The following CHODL variants were observed in gnomAD, a reference collection of about 807,000 sequenced individuals.
CHODL encodes the protein transmembrane protein MT75.
A neutral mutation model predicts 34.5 loss-of-function variants in CHODL; 29 were observed. That is an observed-to-expected ratio of 0.84 (90% confidence interval 0.63 to 1.15). CHODL has a LOEUF of 1.15. Among genes scored for constraint, CHODL ranks in the 50% most tolerant of loss-of-function variants. The pLI is 0.00. For synonymous variants in CHODL, 125 were observed against 116.1 expected (o/e 1.08, Z -0.49); for missense variants, 332 against 332.5 (o/e 1.00, Z 0.01).
At chr21:18,163,538 T>G (rs1429442210) in intron 2 of CHODL, among the ~76,000 whole-genome samples, 1 of 152,190 alleles carries the variant, frequency 6.6e-6, no homozygotes, top group Non-Finnish European at 1.5e-5. Context: ...AAAATTCTAG[T>G]AGGTTCTATA....
At position 18,255,602 on chromosome 21, in the gene CHODL, GACA is replaced by G. The variant is rs139403850; in HGVS notation, c.80-901_80-899del. 5.4e-3 allele frequency among the ~76,000 whole-genome samples: 817 copies of G among 152,162 alleles called. 9 individuals are homozygous for G. Among genetic ancestry groups the G allele is most frequent in the African/African-American group, 0.019 (775 of 41,544 alleles). On this transcript the variant is annotated intron_variant, in intron 1 of 5. Coordinates refer to ENST00000299295, the MANE Select transcript of CHODL (RefSeq NM_024944.3). Reference sequence around the variant, plus strand: ...GTCTCCATCCAAATTGTAAGAAATTGACAACAACCATTGATAAGATTTTACTAG... The same window carrying G: ...GTCTCCATCCAAATTGTAAGAAATTGACAACCATTGATAAGATTTTACTAG...
At chr21:18,174,679 T>C (rs563265634) in intron 2 of CHODL, among the ~76,000 whole-genome samples, 1 of 152,268 alleles carries the variant, frequency 6.6e-6, no homozygotes, top group African/African-American at 2.4e-5. Context: ...AAGTTCCACT[T>C]GAATCAATTA....
At chr21:18,225,020 T>C (rs998621468) in intron 2 of CHODL, among the ~76,000 whole-genome samples, 5 of 152,256 alleles carry the variant, frequency 3.3e-5, no homozygotes, top group African/African-American at 1.2e-4. Context: ...AAGGTGATTT[T>C]TCAATAGGTG....
At chr21:18,200,952 C>T (rs775976548) in intron 2 of CHODL, among the ~76,000 whole-genome samples, 1 of 152,086 alleles carries the variant, frequency 6.6e-6, no homozygotes, top group Non-Finnish European at 1.5e-5. Context: ...AGGAATTATT[C>T]CCCAGAACCG....
chr21:17,967,104 C>G lies in CHODL; in HGVS notation c.-145+49704C>G, dbSNP rs564768309. Reference sequence around the variant, plus strand: ...TTCACCATGTTGACCATGCTAGTCTCGAACTCTTGACCTCTAGTGATGTGC... The same window carrying G: ...TTCACCATGTTGACCATGCTAGTCTGGAACTCTTGACCTCTAGTGATGTGC... On this transcript the variant is annotated intron_variant, in intron 1 of 6. Transcript: ENST00000400127. Among the ~76,000 whole-genome samples, 4 of 152,134 alleles carry G rather than the reference C, an allele frequency of 2.6e-5. No individual in the cohort carries two copies. The East Asian group carries it at 7.7e-4, about 29-fold the overall frequency.
At chr21:18,248,867 G>GTA (rs1010201278) in intron 1 of CHODL, among the ~76,000 whole-genome samples, 1 of 108,638 alleles carries the variant, frequency 9.2e-6, no homozygotes, top group South Asian at 2.4e-4. Flanking sequence ...TTGTATATGT[G>GTA]TATATATATG....
intron 1 of CHODL, among the ~76,000 whole-genome samples, chr21:17,952,255 C>G (rs1271573631): frequency 7.0e-6 from 1 of 143,680 alleles, no homozygotes; most frequent in Non-Finnish European, 1.5e-5. Flanking sequence ...ACCAACACAG[C>G]AAGATAATTA....
chr21:18,050,020 C>G (rs1467671828), intron 2 of CHODL, among the ~76,000 whole-genome samples: 1 of 151,836 alleles, frequency 6.6e-6, no homozygotes, highest in African/African-American at 2.4e-5. Context: ...AGTAGAAAGT[C>G]AGTTAAGAGT....
chr21:17,979,469 T>G (rs2063697054), intron 1 of CHODL, among the ~76,000 whole-genome samples: 1 of 152,200 alleles, frequency 6.6e-6, no homozygotes, highest in South Asian at 2.1e-4. Context: ...AATTTATAAC[T>G]TTTCAAGTAT....
intron 2 of CHODL, among the ~76,000 whole-genome samples, chr21:18,178,829 A>G (rs1379589300): frequency 1.3e-5 from 2 of 152,158 alleles, no homozygotes; most frequent in Admixed American, 6.5e-5. Context: ...GTGTTGTTTA[A>G]GCATCAACCA....
chr21:18,122,276 C>T (rs1286666186), intron 2 of CHODL, among the ~76,000 whole-genome samples: 1 of 152,104 alleles, frequency 6.6e-6, no homozygotes, highest in Non-Finnish European at 1.5e-5. Flanking sequence ...GGATGACATA[C>T]ATTCTTTTTA....
intron 2 of CHODL, among the ~76,000 whole-genome samples, chr21:18,154,056 T>C (rs928367958): frequency 6.6e-6 from 1 of 152,162 alleles, no homozygotes; most frequent in African/African-American, 2.4e-5. Flanking sequence ...GACCACAAGA[T>C]AGTGAATATA....
chr21:18,050,556 C>T (rs2064501283), intron 2 of CHODL, among the ~76,000 whole-genome samples: 5 of 151,820 alleles, frequency 3.3e-5, no homozygotes, highest in Admixed American at 3.3e-4. Flanking sequence ...ACGTAAGATA[C>T]ATTTGAAGGG....
intron 2 of CHODL, among the ~76,000 whole-genome samples, chr21:18,118,491 C>G (rs752140534): frequency 1.3e-5 from 2 of 152,156 alleles, no homozygotes; most frequent in Non-Finnish European, 2.9e-5. Flanking sequence ...CTTTATCCAT[C>G]ATTATCATCT....
At chr21:17,989,171 G>A (rs1436306962) in intron 1 of CHODL, among the ~76,000 whole-genome samples, 1 of 152,120 alleles carries the variant, frequency 6.6e-6, no homozygotes, top group East Asian at 1.9e-4. Flanking sequence ...CTATATCCTG[G>A]TTCTGGATCC....
At chr21:18,109,223 G>T (rs1243226418) in intron 2 of CHODL, among the ~76,000 whole-genome samples, 1 of 151,778 alleles carries the variant, frequency 6.6e-6, no homozygotes, top group Non-Finnish European at 1.5e-5. Context: ...CTTAATATTT[G>T]GGAATTGCCC....
At chr21:18,211,189 G>T (rs570520801) in intron 2 of CHODL, among the ~76,000 whole-genome samples, 1 of 139,512 alleles carries the variant, frequency 7.2e-6, no homozygotes, top group Admixed American at 7.0e-5. Flanking sequence ...CACCCTGGCC[G>T]CATTCCTGCT....
intron 1 of CHODL, among the ~76,000 whole-genome samples, chr21:18,010,561 T>C (rs1476605949): frequency 1.3e-5 from 2 of 152,184 alleles, no homozygotes; most frequent in South Asian, 4.1e-4. Flanking sequence ...TTTTACAAAT[T>C]TGTTTTATTT....
intron 2 of CHODL, among the ~76,000 whole-genome samples, chr21:18,131,192 C>T (rs1301912009): frequency 6.6e-6 from 1 of 151,992 alleles, no homozygotes; most frequent in Non-Finnish European, 1.5e-5. Context: ...TCTCTGGTGT[C>T]TCATCTTATA....
Sources: gnomAD v4.1 joint callset for allele counts (sites outside exome capture counted in the v4.1 genomes callset) on GRCh38, gnomAD v4.1.1 for gene constraint, MANE v1.5 for transcripts, NCBI Gene and HGNC (gene_info 2026-07-23, HGNC 2026-07-21) for gene names.